Variants in FARS2 observed in about 807,000 individuals in gnomAD.
FARS2 encodes the protein phenylalanine--tRNA ligase, mitochondrial.
FARS2 carries 40 observed loss-of-function variants against 46.4 expected under a neutral mutation model. The observed-to-expected ratio is 0.86, with a 90% CI of 0.67 to 1.12. The LOEUF (loss-of-function observed/expected upper bound fraction) is 1.12. FARS2 is among the 50% of genes most tolerant of loss of function. The pLI is 0.00. For synonymous variants in FARS2, 234 were observed against 214.9 expected (o/e 1.09, Z -0.78); for missense variants, 513 against 567.9 (o/e 0.90, Z 0.98).
chr6:5,423,244 T>C (rs750629594), intron 3 of FARS2, among the ~76,000 whole-genome samples: 1 of 152,084 alleles, frequency 6.6e-6, no homozygotes, highest in African/African-American at 2.4e-5. Context: ...CGGGATGCTA[T>C]TGGACTGTCC....
intron 1 of FARS2, among the ~76,000 whole-genome samples, chr6:5,328,116 G>C (rs570177247): frequency 2.0e-5 from 3 of 152,040 alleles, no homozygotes; most frequent in African/African-American, 7.3e-5. Context: ...ATAGATTTTT[G>C]ATAACTAAAT....
intron 1 of FARS2, among the ~76,000 whole-genome samples, chr6:5,336,615 A>G (rs1266915359): frequency 1.3e-5 from 2 of 152,172 alleles, no homozygotes; most frequent in Non-Finnish European, 2.9e-5. Flanking sequence ...AGAATGGGGT[A>G]TGCATCCCCT....
intron 4 of FARS2, among the ~76,000 whole-genome samples, chr6:5,507,432 T>C (rs1768164257): frequency 6.6e-6 from 1 of 152,232 alleles, no homozygotes; most frequent in Non-Finnish European, 1.5e-5. Flanking sequence ...TCGTAATGGC[T>C]GAGAAGGAGT....
chr6:5,574,552 A>G (rs1185819406), intron 5 of FARS2, among the ~76,000 whole-genome samples: 1 of 152,190 alleles, frequency 6.6e-6, no homozygotes, highest in Non-Finnish European at 1.5e-5. Flanking sequence ...CTTTGTGGCA[A>G]TGAAAAAAAT....
At chr6:5,656,632 C>T (rs183923879) in intron 6 of FARS2, among the ~76,000 whole-genome samples, 3 of 152,044 alleles carry the variant, frequency 2.0e-5, no homozygotes, top group Admixed American at 2.0e-4. Flanking sequence ...CTCACTGCAA[C>T]CTCCGCCTCC....
chr6:5,709,755 C>T (rs937038686), intron 6 of FARS2, among the ~76,000 whole-genome samples: 28 of 149,638 alleles, frequency 1.9e-4, no homozygotes, highest in Admixed American at 2.7e-4. Context: ...TGCGCGCGCG[C>T]GTGTGTGTGT....
intron 3 of FARS2, among the ~76,000 whole-genome samples, chr6:5,416,898 C>T (rs1398739150): frequency 6.6e-6 from 1 of 152,208 alleles, no homozygotes; most frequent in African/African-American, 2.4e-5. Context: ...CCATCTTGGC[C>T]TTTGTGCCGT....
chr6:5,486,377 G>T (rs1259107210), intron 4 of FARS2, among the ~76,000 whole-genome samples: 1 of 152,142 alleles, frequency 6.6e-6, no homozygotes, highest in Non-Finnish European at 1.5e-5. Flanking sequence ...CGCAGAACAG[G>T]TCTGTTCTTG....
intron 6 of FARS2, among the ~76,000 whole-genome samples, chr6:5,648,545 C>A (rs1289717250): frequency 6.6e-6 from 1 of 152,170 alleles, no homozygotes; most frequent in African/African-American, 2.4e-5. Context: ...GTGTTTGGAC[C>A]CAGGGTCTCT....
chr6:5,696,917 G>A (rs1337324543), intron 6 of FARS2, among the ~76,000 whole-genome samples: 2 of 152,178 alleles, frequency 1.3e-5, no homozygotes, highest in Non-Finnish European at 2.9e-5. Context: ...AGATATCAGT[G>A]ACTTAATAAG....
At chr6:5,711,621 C>A (rs1428881052) in intron 6 of FARS2, among the ~76,000 whole-genome samples, 1 of 152,168 alleles carries the variant, frequency 6.6e-6, no homozygotes, top group African/African-American at 2.4e-5. Flanking sequence ...AATCCCATAA[C>A]CCCGGTCTAA....
intron 1 of FARS2, among the ~76,000 whole-genome samples, chr6:5,289,142 T>C (rs1467449705): frequency 6.6e-6 from 1 of 152,202 alleles, no homozygotes; most frequent in Non-Finnish European, 1.5e-5. Flanking sequence ...ATGACACACT[T>C]AACATGTAAC....
chr6:5,625,200 C>T (rs1474691963), intron 6 of FARS2, among the ~76,000 whole-genome samples: 2 of 152,156 alleles, frequency 1.3e-5, no homozygotes, highest in East Asian at 3.9e-4. Flanking sequence ...GTGAGAAAGT[C>T]TCAAGGATAT....
chr6:5,639,673 A>C (rs1004112974), intron 6 of FARS2, among the ~76,000 whole-genome samples: 1 of 152,212 alleles, frequency 6.6e-6, no homozygotes, highest in African/African-American at 2.4e-5. Flanking sequence ...CTTTATTTGC[A>C]AATGAGTCAG....
At chr6:5,260,899 G>T (rs1011791141), upstream of FARS2, 2 of 1,397,534 alleles carry the variant, frequency 1.4e-6, no homozygotes, top group Non-Finnish European at 1.8e-6. Flanking sequence ...TGCGGATCGC[G>T]GACGGCGCCA....
rs558888613 is a variant in FARS2, at chr6:5,764,738, G to A, written c.1218-6553G>A. On this transcript the variant is annotated intron_variant, in intron 6 of 6. Coordinates refer to ENST00000274680, the MANE Select transcript of FARS2 (RefSeq NM_006567.5). This position sits in a 1 kb window ranked among gnomAD's most constrained non-coding sequence, Gnocchi z 4.1. ...ACTATTGTGGATGTTGCAGGAGCTG[G>A]GATTTGGCTGGATCCCCTGGAAAGG... is the stretch of plus-strand genomic sequence containing the variant. Among the ~76,000 whole-genome samples the A allele has an allele frequency of 6.6e-6, 1 of 152,270 alleles. No individual in the cohort carries two copies. The highest frequency in any genetic ancestry group is 1.9e-4 in the East Asian group (1 of 5,178).
intron 6 of FARS2, among the ~76,000 whole-genome samples, chr6:5,731,124 T>A (rs1487316542): frequency 6.6e-6 from 1 of 152,154 alleles, no homozygotes; most frequent in African/African-American, 2.4e-5. Flanking sequence ...TCTGAGAAAG[T>A]GACAAGCATT....
intron 1 of FARS2, among the ~76,000 whole-genome samples, chr6:5,323,369 T>C (rs115199533): frequency 2.9e-4 from 44 of 152,310 alleles, no homozygotes; most frequent in Non-Finnish European, 3.2e-4. Flanking sequence ...ACCTGTCTTT[T>C]ATGACACCTT....
At chr6:5,728,644 CTCAGTATACACAGCTCCCTCTTCT>C (rs1401612499) in intron 6 of FARS2, among the ~76,000 whole-genome samples, 4 of 152,156 alleles carry the variant, frequency 2.6e-5, no homozygotes, top group African/African-American at 7.2e-5. Flanking sequence ...TAAAGAAAGG[CTCAGTATACACAGCTCCCTCTTCT>C]TCAGGGAAGT....
Sources: gnomAD v4.1 joint callset for allele counts (sites outside exome capture counted in the v4.1 genomes callset) on GRCh38, gnomAD v4.1.1 for gene constraint, Gnocchi (gnomAD v3.1) non-coding constraint, MANE v1.5 for transcripts, NCBI Gene and HGNC (gene_info 2026-07-23, HGNC 2026-07-21) for gene names.